ADGRV1: variants seen among roughly 807,000 people sequenced by gnomAD.
The protein encoded by ADGRV1 is G-protein coupled receptor 98.
In ADGRV1, 359 loss-of-function variants were observed where a neutral mutation model predicts 596.2. That is an observed-to-expected ratio of 0.60 (90% CI 0.55 to 0.66). The LOEUF (loss-of-function observed/expected upper bound fraction) is 0.66, where lower values mean the gene tolerates loss of function less well. ADGRV1 is among the 30% of genes least tolerant of loss of function. The pLI is 0.00. For missense variants in ADGRV1, 7,274 were observed against 7,575.6 expected, an observed-to-expected ratio of 0.96 and a Z score of 1.48; for synonymous variants, 2,681 against 2,679.2, an observed-to-expected ratio of 1.00 and a Z score of -0.02.
At chr5:90,753,017 C>CA (rs143228213) in intron 53 of ADGRV1, among the ~76,000 whole-genome samples, 57,615 of 151,664 alleles carry the variant, frequency 0.38, 11,805 homozygotes, top group Admixed American at 0.54. Context: ...GCAAGGTCTT[C>CA]CATGCTTTTT....
chr5:90,792,267 G>T (rs1760166026), intron 70 of ADGRV1: 1 of 152,180 alleles, frequency 6.6e-6, no homozygotes, highest in Admixed American at 6.5e-5. Context: ...GAGCATTTGG[G>T]TGCTGCTTTC....
Position 90,716,726 on chromosome 5 carries a change from C to T in ADGRV1, c.9444C>T (p.Phe3148=), listed in dbSNP as rs1220653261. Residue 3148 remains phenylalanine (F), a synonymous_variant, in exon 43 of 90, where the codon TTC becomes TTT. Coordinates refer to ENST00000405460, the MANE Select transcript of ADGRV1 (RefSeq NM_032119.4). ...TTGTTTTAGAAGAAGGTGTTCGATT[C>T]AAGGTACAGTAAGAAGCTTTAATGA... The part of the protein sequence containing the change: ...GYIVLEEGVR[F]KALQISAILD... 1.9e-6 allele frequency: 3 copies of T among 1,609,244 alleles called. No individual in the cohort carries two copies. In the Admixed American group the frequency reaches 5.0e-5, roughly 27 times the overall value.
intron 2 of ADGRV1, among the ~76,000 whole-genome samples, chr5:90,615,348 G>T (rs1448600761): frequency 6.6e-6 from 1 of 151,764 alleles, no homozygotes; most frequent in African/African-American, 2.4e-5. Context: ...ATTGTAAGGT[G>T]GTGTAGAGAA....
At chr5:91,112,609 C>T (rs893102402) in intron 87 of ADGRV1, among the ~76,000 whole-genome samples, 2 of 152,154 alleles carry the variant, frequency 1.3e-5, no homozygotes, top group Non-Finnish European at 2.9e-5. Context: ...TTCATGTTAA[C>T]TGATAATTTT....
rs761700772 is a variant in ADGRV1, at chr5:90,868,436, G to A, written c.17856+4579G>A. On this transcript the variant is annotated intron_variant, in intron 83 of 89. Transcript: ENST00000405460. ...GAAAGGGAAAGGTCCTTAGGCAAGT[G>A]GACTAAGAGATAATTTAGAGTATGA... 9.2e-4 allele frequency among the ~76,000 whole-genome samples: 140 copies of A among 152,018 alleles called. 1 individual carries two copies. The highest frequency in any genetic ancestry group is 2.1e-3 in the African/African-American group (87 of 41,474).
intron 87 of ADGRV1, among the ~76,000 whole-genome samples, chr5:91,108,115 T>G (rs1366347332): frequency 6.6e-6 from 1 of 152,190 alleles, no homozygotes; most frequent in Non-Finnish European, 1.5e-5. Flanking sequence ...ACCAGATGCT[T>G]AGTGAATCAG....
chr5:90,640,117 A>G (rs955561398), intron 11 of ADGRV1, among the ~76,000 whole-genome samples: 2 of 152,188 alleles, frequency 1.3e-5, no homozygotes, highest in Admixed American at 6.5e-5. Context: ...ATTTTGGTGT[A>G]TGTGGTATAT....
At chr5:90,948,286 G>T (rs1776768174) in intron 83 of ADGRV1, among the ~76,000 whole-genome samples, 1 of 152,006 alleles carries the variant, frequency 6.6e-6, no homozygotes, top group Admixed American at 6.6e-5. Flanking sequence ...TAAAGAAAGA[G>T]GACATGGTCA....
intron 87 of ADGRV1, among the ~76,000 whole-genome samples, chr5:91,104,701 T>C (rs1791690662): frequency 6.6e-6 from 1 of 152,136 alleles, no homozygotes; most frequent in South Asian, 2.1e-4. Context: ...CTTTCTGTTC[T>C]TGGGTTATTT....
intron 85 of ADGRV1, among the ~76,000 whole-genome samples, chr5:91,006,300 A>G (rs11954387): frequency 0.14 from 21,042 of 152,102 alleles, 1,974 homozygotes; most frequent in African/African-American, 0.24. Flanking sequence ...GTGATTTGGA[A>G]AGCCAACCAT....
intron 83 of ADGRV1, among the ~76,000 whole-genome samples, chr5:90,905,092 T>C (rs754842189): frequency 6.6e-6 from 1 of 152,124 alleles, no homozygotes; most frequent in Non-Finnish European, 1.5e-5. Context: ...GTTCCATTGG[T>C]CTATGTGTCT....
intron 69 of ADGRV1, 90 bp downstream of exon 69, chr5:90,789,941 A>C (rs553676447): frequency 5.2e-6 from 5 of 953,494 alleles, no homozygotes; most frequent in African/African-American, 1.7e-5. Context: ...CTAGTTAATT[A>C]AAGTTTTTGA....
intron 72 of ADGRV1, among the ~76,000 whole-genome samples, chr5:90,806,894 C>T (rs1308755114): frequency 6.6e-6 from 1 of 151,644 alleles, no homozygotes; most frequent in African/African-American, 2.4e-5. Context: ...GCTCTGTCAC[C>T]CATGCTGGAA....
At chr5:90,967,369 C>T (rs1050631927) in intron 84 of ADGRV1, among the ~76,000 whole-genome samples, 43 of 152,094 alleles carry the variant, frequency 2.8e-4, no homozygotes, top group African/African-American at 9.9e-4. Flanking sequence ...TTTTCAAGCT[C>T]CCCTCTCAAA....
intron 84 of ADGRV1, among the ~76,000 whole-genome samples, chr5:90,973,804 C>T (rs1240281371): frequency 2.6e-5 from 4 of 152,102 alleles, no homozygotes; most frequent in East Asian, 1.9e-4. Flanking sequence ...GACAGGGATG[C>T]CCTCTCTCAC....
intron 83 of ADGRV1, among the ~76,000 whole-genome samples, chr5:90,892,211 T>G (rs1277238050): frequency 6.6e-6 from 1 of 152,110 alleles, no homozygotes; most frequent in Non-Finnish European, 1.5e-5. Context: ...TTCCATCATA[T>G]TTCTTAACAT....
At position 90,676,073 on chromosome 5, in the gene ADGRV1, A is replaced by T. The variant is rs1341057742; in HGVS notation, c.5314-7A>T. 6.3e-7 allele frequency: 1 copy of T among 1,590,406 alleles called. No individual in the cohort carries two copies. The highest frequency in any genetic ancestry group is 8.6e-7 in the Non-Finnish European group (1 of 1,165,158). On this transcript the variant is annotated splice_region_variant and splice_polypyrimidine_tract_variant and intron_variant, in intron 24 of 89. Transcript: ENST00000405460. ...GTAATCTAATGGATCAGTCTTTTATATTTCAGAATGTTGCTGGCACATTAG... is the reference window on the plus strand; with the variant it reads ...GTAATCTAATGGATCAGTCTTTTATTTTTCAGAATGTTGCTGGCACATTAG...
At chr5:90,925,934 T>G (rs1005771959) in intron 83 of ADGRV1, among the ~76,000 whole-genome samples, 1,739 of 132,950 alleles carry the variant, frequency 0.013, 35 homozygotes, top group African/African-American at 0.047. Context: ...TGGATTACAT[T>G]TATTGATTTG....
chr5:90,918,324 G>A (rs1241701347), intron 83 of ADGRV1, among the ~76,000 whole-genome samples: 1 of 152,172 alleles, frequency 6.6e-6, no homozygotes, highest in African/African-American at 2.4e-5. Flanking sequence ...CTAAGTGAAA[G>A]CCCAGATCCG....
Sources: allele counts gnomAD v4.1 joint callset (sites outside exome capture counted in the v4.1 genomes callset), GRCh38; gene constraint gnomAD v4.1.1; transcripts MANE v1.5; gene names NCBI Gene and HGNC (gene_info 2026-07-23, HGNC 2026-07-21).